Variants in GPAT3 observed in about 807,000 individuals in gnomAD.
GPAT3 encodes glycerol-3-phosphate acyltransferase 3, also known as 1-AGP acyltransferase 9.
Under a neutral mutation model 58.8 loss-of-function variants are expected in GPAT3, and 53 were observed. That is an observed-to-expected ratio of 0.90 (90% confidence interval 0.72 to 1.13). The LOEUF (loss-of-function observed/expected upper bound fraction) is 1.13, where lower values mean the gene tolerates loss of function less well. Among genes scored for constraint, GPAT3 ranks in the 50% most tolerant of loss-of-function variants. The pLI is 0.00. For synonymous variants in GPAT3, 197 were observed against 187.4 expected (o/e 1.05, Z -0.42); for missense variants, 511 against 527.6 (o/e 0.97, Z 0.31).
intron 2 of GPAT3, among the ~76,000 whole-genome samples, chr4:83,565,577 C>T (rs1725350756): frequency 6.6e-6 from 1 of 152,054 alleles, no homozygotes; most frequent in Non-Finnish European, 1.5e-5. Context: ...CGGCTCACCA[C>T]AACCTCCGCC....
chr4:83,589,674 A>T (rs1726517026), intron 5 of GPAT3, among the ~76,000 whole-genome samples: 1 of 152,224 alleles, frequency 6.6e-6, no homozygotes, highest in Admixed American at 6.5e-5. Context: ...TTCAGATTAA[A>T]TAAGTGAAAG....
At chr4:83,566,212 G>A (rs1038046220) in intron 2 of GPAT3, among the ~76,000 whole-genome samples, 34 of 152,128 alleles carry the variant, frequency 2.2e-4, no homozygotes, top group African/African-American at 7.0e-4. Flanking sequence ...CCACATTTTT[G>A]TATTTTTGTA....
At chr4:83,577,732 T>C (rs971738130) in intron 2 of GPAT3, among the ~76,000 whole-genome samples, 8 of 151,538 alleles carry the variant, frequency 5.3e-5, no homozygotes, top group African/African-American at 1.9e-4. Flanking sequence ...TACTTCACAT[T>C]ATCAGATTAA....
At chr4:83,557,577 A>G (rs1054832617) in intron 2 of GPAT3, among the ~76,000 whole-genome samples, 1 of 152,222 alleles carries the variant, frequency 6.6e-6, no homozygotes, top group African/African-American at 2.4e-5. Context: ...CCCAACACAC[A>G]TTTATATGCA....
chr4:83,537,562 T>TC (rs1310636450), intron 1 of GPAT3, among the ~76,000 whole-genome samples: 3 of 150,610 alleles, frequency 2.0e-5, no homozygotes, highest in Non-Finnish European at 4.4e-5. Context: ...GAGTCTTTTT[T>TC]TAAAAAAAAA....
At chr4:83,545,178 C>T (rs144441221) in intron 2 of GPAT3, among the ~76,000 whole-genome samples, 1,820 of 152,294 alleles carry the variant, frequency 0.012, 40 homozygotes, top group African/African-American at 0.042. Context: ...CAGTGGCTCA[C>T]GCCTATAATC....
In GPAT3 at chr4:83,597,527, A is replaced by G. The variant is rs200796260; in HGVS notation, c.996+12A>G. On this transcript the variant is annotated intron_variant, in intron 9 of 11. Transcript: ENST00000264409. ...CAGTTGCAATTAAGGTAAAACAGAT[A>G]CCATAATAAGAATAATAATTATTAT... The G allele has an allele frequency of 1.2e-5, 17 of 1,452,606 alleles. 1 individual carries two copies. The highest frequency in any genetic ancestry group is 4.4e-4 in the Middle Eastern group (2 of 4,506). The allele number at this position is 1,452,606 out of a possible 1,614,324, so 90.0% of individuals were successfully genotyped here.
intron 1 of GPAT3, among the ~76,000 whole-genome samples, chr4:83,539,813 A>G (rs962187939): frequency 2.0e-5 from 3 of 152,240 alleles, no homozygotes; most frequent in African/African-American, 7.2e-5. Flanking sequence ...TACGTATGTT[A>G]ATATTACAGC....
In GPAT3 at chr4:83,536,427, G is replaced by A. The variant is rs1724085882; in HGVS notation, c.-196G>A. ...GGAGAAAGAGTTAACTGGCAGGGGC[G>A]AGGAGGAGCCCAGGGAGGAAGGAAG... On this transcript the variant is annotated 5_prime_UTR_variant, in exon 1 of 12. Coordinates refer to ENST00000264409, the MANE Select transcript of GPAT3 (RefSeq NM_032717.5). 1.4e-6 allele frequency: 2 copies of A among 1,381,814 alleles called. No homozygotes were observed. Among genetic ancestry groups the A allele is most frequent in the Admixed American group, 3.2e-5 (1 of 31,546 alleles). The allele number at this position is 1,381,814 out of a possible 1,614,324, so 85.6% of individuals were successfully genotyped here. A position where few individuals can be genotyped will look rare whatever the true frequency, so the allele number is the denominator to read the frequency against.
At chr4:83,562,211 T>TATTATA (rs55826032) in intron 2 of GPAT3, among the ~76,000 whole-genome samples, 1 of 73,008 alleles carries the variant, frequency 1.4e-5, no homozygotes, top group African/African-American at 8.1e-5. Context: ...TATATATATA[T>TATTATA]TATATATATA....
chr4:83,571,740 GCATATATATATATGTGTATATACA>G (rs1560616421), intron 2 of GPAT3, among the ~76,000 whole-genome samples: 1 of 146,804 alleles, frequency 6.8e-6, no homozygotes. Context: ...ATATATACAC[GCATATATATATATGTGTATATACA>G]CATATATAGT....
intron 2 of GPAT3, among the ~76,000 whole-genome samples, chr4:83,579,444 C>T (rs1406266529): frequency 6.6e-6 from 1 of 151,628 alleles, no homozygotes; most frequent in Non-Finnish European, 1.5e-5. Flanking sequence ...AGGCACATGC[C>T]ACCATGTCCA....
rs141727707 is a variant in GPAT3 at position 83,557,382 on chromosome 4, G to A, written c.208+12780G>A. On this transcript the variant is annotated intron_variant, in intron 2 of 11. Transcript: ENST00000264409. ...TGTCTGTTCCCTTGCCATCATCCTG[G>A]CAGACATCACTAGTTGATGAAGTTT... Among the ~76,000 whole-genome samples the A allele has an allele frequency of 2.9e-3, 444 of 152,196 alleles. 2 individuals carry two copies. The highest frequency in any genetic ancestry group is 2.7e-3 in the Non-Finnish European group (181 of 68,018).
chr4:83,559,597 G>T (rs867717370), intron 2 of GPAT3, among the ~76,000 whole-genome samples: 3 of 152,270 alleles, frequency 2.0e-5, no homozygotes, highest in East Asian at 1.9e-4. Flanking sequence ...GTGTGGGATC[G>T]CAAGCGTGAG....
At chr4:83,550,445 A>C (rs965867161) in intron 2 of GPAT3, among the ~76,000 whole-genome samples, 1 of 152,208 alleles carries the variant, frequency 6.6e-6, no homozygotes, top group African/African-American at 2.4e-5. Flanking sequence ...TTTCAGACAT[A>C]CACAAAAGTA....
chr4:83,555,760 C>T (rs1355343756), intron 2 of GPAT3, among the ~76,000 whole-genome samples: 1 of 152,184 alleles, frequency 6.6e-6, no homozygotes, highest in East Asian at 1.9e-4. Context: ...TTGCAATTGG[C>T]ACCTGAAGTG....
chr4:83,542,985 C>T (rs987095256), intron 1 of GPAT3, among the ~76,000 whole-genome samples: 8 of 151,508 alleles, frequency 5.3e-5, no homozygotes, highest in Non-Finnish European at 1.2e-4. Flanking sequence ...GTAACAAGAG[C>T]GAAAACTCCT....
At chr4:83,598,946 T>G (rs1318727283) in intron 11 of GPAT3, among the ~76,000 whole-genome samples, 1 of 151,670 alleles carries the variant, frequency 6.6e-6, no homozygotes, top group Non-Finnish European at 1.5e-5. Context: ...CTTGCCACTA[T>G]GCCCAGCTAT....
chr4:83,565,233 T>G (rs556172725), intron 2 of GPAT3, among the ~76,000 whole-genome samples: 1 of 152,146 alleles, frequency 6.6e-6, no homozygotes, highest in South Asian at 2.1e-4. Flanking sequence ...CCCAAGTAGC[T>G]GGGATTACAG....
Sources: allele counts gnomAD v4.1 joint callset (sites outside exome capture counted in the v4.1 genomes callset), GRCh38; gene constraint gnomAD v4.1.1; transcripts MANE v1.5; gene names NCBI Gene and HGNC (gene_info 2026-07-23, HGNC 2026-07-21).